CTDP1: variants seen among roughly 807,000 people sequenced by gnomAD.
CTDP1 encodes RNA polymerase II subunit A C-terminal domain phosphatase.
In CTDP1, 47 loss-of-function variants were observed where a neutral mutation model predicts 91.8. That is an observed-to-expected ratio of 0.51 (90% CI 0.41 to 0.65). The LOEUF is 0.65. Among genes scored for constraint, CTDP1 ranks in the 30% least tolerant of loss-of-function variants. The probability of loss-of-function intolerance (pLI) is 0.00; values close to 1 mark genes in which losing one functional copy is unlikely to be tolerated. For missense variants in CTDP1, 1,272 were observed against 1,373.7 expected, an observed-to-expected ratio of 0.93 and a Z score of 1.17; for synonymous variants, 656 against 598.5, an observed-to-expected ratio of 1.10 and a Z score of -1.40.
rs1230776269 is a variant in CTDP1, at chr18:79,679,923, A to ACCGC, written c.-14_-11dup. On this transcript the variant is annotated 5_prime_UTR_variant, in exon 1 of 13. Transcript: ENST00000613122. ...TGAGCGCAGCGCAGGCCCCGTACCG[A>ACCGC]CCGCCCGCCCGCCCTCTGTCCGCGA... 1.0e-5 allele frequency: 14 copies of ACCGC among 1,369,956 alleles called. No homozygotes were observed. The highest frequency in any genetic ancestry group is 4.7e-5 in the African/African-American group (3 of 64,368). The allele number at this position is 1,369,956 out of a possible 1,614,324, so 84.9% of individuals were successfully genotyped here. A position where few individuals can be genotyped will look rare whatever the true frequency, so the allele number is the denominator to read the frequency against.
At chr18:79,722,044 A>G (rs1037408947) in intron 10 of CTDP1, among the ~76,000 whole-genome samples, 4 of 152,160 alleles carry the variant, frequency 2.6e-5, no homozygotes, top group Non-Finnish European at 5.9e-5. Context: ...GGTTGGTCTC[A>G]AGCTCCTGTC....
chr18:79,722,189 C>T (rs12456692), intron 10 of CTDP1, among the ~76,000 whole-genome samples: 46,915 of 152,146 alleles, frequency 0.31, 8,688 homozygotes, highest in East Asian at 0.41. Flanking sequence ...TGAAAACAGA[C>T]TTGCAGATGG....
At chr18:79,747,365 G>T (rs767984856) in intron 12 of CTDP1, among the ~76,000 whole-genome samples, 58 of 152,328 alleles carry the variant, frequency 3.8e-4, no homozygotes, top group Non-Finnish European at 6.5e-4. Context: ...CAGAGCTGTG[G>T]CATCCCCGCT....
At chr18:79,723,359 C>T (rs1040229436) in intron 10 of CTDP1, among the ~76,000 whole-genome samples, 3 of 152,208 alleles carry the variant, frequency 2.0e-5, no homozygotes, top group Admixed American at 6.5e-5. Context: ...CCCCACCCTC[C>T]TGAGAGTGGT....
chr18:79,739,194 G>GT (rs907282783), intron 12 of CTDP1, among the ~76,000 whole-genome samples: 12 of 151,748 alleles, frequency 7.9e-5, no homozygotes, highest in South Asian at 2.1e-4. Context: ...TAACCTGATA[G>GT]TTTTTTTTTC....
In CTDP1 at chr18:79,714,784, G is replaced by A; in HGVS notation, c.1324G>A (p.Ala442Thr). 3 of 1,603,494 alleles carry A rather than the reference G, an allele frequency of 1.9e-6. No homozygotes were observed. The highest frequency in any genetic ancestry group is 2.6e-6 in the Non-Finnish European group (3 of 1,176,230). The change falls in exon 8 of 13, where the codon GCC becomes ACC. Residue 442 changes from alanine (A) to threonine (T), a missense_variant. Physicochemically the swap from Ala to Thr is moderately conservative, Grantham distance 58 (BLOSUM62 0). This residue lies in a region of CTDP1 where 881 missense variants were observed against 911.6 expected (regional missense o/e 0.97). Coordinates refer to ENST00000613122, the MANE Select transcript of CTDP1 (RefSeq NM_004715.5). ...CCGGGTGGCACCGGGACAGCGGCCT[G>A]CCCAGGGTGCCACGGGCACTGACCT... ...GGRVAPGQRP[A>T]QGATGTDLDF...
At chr18:79,707,066 G>T (rs1309762962) in intron 5 of CTDP1, among the ~76,000 whole-genome samples, 1 of 152,246 alleles carries the variant, frequency 6.6e-6, no homozygotes, top group Non-Finnish European at 1.5e-5. Context: ...TTCCTGAGGT[G>T]CATCGATGTT....
chr18:79,681,234 T>C (rs2085359948), intron 1 of CTDP1, among the ~76,000 whole-genome samples: 1 of 152,208 alleles, frequency 6.6e-6, no homozygotes, highest in African/African-American at 2.4e-5. Context: ...ACGTCCTGGC[T>C]CCGCTTCCTT....
At chr18:79,685,467 G>T (rs2085475568) in intron 1 of CTDP1, 1 of 152,166 alleles carries the variant, frequency 6.6e-6, no homozygotes, top group African/African-American at 2.4e-5. Flanking sequence ...GGTTGATGAC[G>T]TCTGACAGAC....
At chr18:79,741,753 G>C (rs1167336762) in intron 12 of CTDP1, among the ~76,000 whole-genome samples, 1 of 152,202 alleles carries the variant, frequency 6.6e-6, no homozygotes, top group South Asian at 2.1e-4. Context: ...CCTCTTGTCC[G>C]TTTGGGAGGG....
At chr18:79,689,896 G>A (rs548404377) in intron 1 of CTDP1, among the ~76,000 whole-genome samples, 2 of 152,288 alleles carry the variant, frequency 1.3e-5, no homozygotes, top group South Asian at 2.1e-4. Flanking sequence ...TGTGGCCGGC[G>A]GGATCCCCGT....
intron 1 of CTDP1, among the ~76,000 whole-genome samples, chr18:79,680,501 T>C (rs1248835212): frequency 2.0e-5 from 3 of 152,258 alleles, no homozygotes; most frequent in Non-Finnish European, 2.9e-5. Flanking sequence ...AGTTACTGTT[T>C]GGAAAAGCTA....
At chr18:79,751,246 G>A (rs1255359761) in intron 12 of CTDP1, among the ~76,000 whole-genome samples, 4 of 147,148 alleles carry the variant, frequency 2.7e-5, no homozygotes, top group African/African-American at 7.6e-5. Flanking sequence ...GGACAGGCCG[G>A]GGAGGGAGGG....
chr18:79,741,884 A>C (rs749535979), intron 12 of CTDP1, among the ~76,000 whole-genome samples: 6 of 152,212 alleles, frequency 3.9e-5, no homozygotes, highest in Admixed American at 2.0e-4. Flanking sequence ...GAGAGAGAGG[A>C]GCAGAAAAAC....
chr18:79,714,570 A>G lies in CTDP1; in HGVS notation c.1110A>G (p.Gly370=). Residue 370 remains glycine (G), a synonymous_variant, in exon 8 of 13, where the codon GGA becomes GGG. Transcript: ENST00000613122. ...RDPEGVTQAP[G]VEPSNGLEKP... ...CTGAGGGGGTAACGCAGGCCCCTGG[A>G]GTGGAGCCCAGCAATGGCCTGGAGA... is the stretch of plus-strand genomic sequence containing the variant. The G allele has an allele frequency of 6.2e-7, 1 of 1,613,048 alleles. No homozygotes were observed. Among genetic ancestry groups the G allele is most frequent in the Non-Finnish European group, 8.5e-7 (1 of 1,180,008 alleles).
intron 5 of CTDP1, among the ~76,000 whole-genome samples, chr18:79,706,558 T>G (rs905470695): frequency 1.1e-4 from 16 of 145,644 alleles, no homozygotes; most frequent in Admixed American, 2.7e-4. Flanking sequence ...TATTCTCTGG[T>G]TTTTTTTTTG....
intron 6 of CTDP1, among the ~76,000 whole-genome samples, chr18:79,712,523 C>G (rs1257133753): frequency 6.6e-6 from 1 of 152,158 alleles, no homozygotes; most frequent in African/African-American, 2.4e-5. Context: ...CTCAAGAGAC[C>G]CTCCTGCCAA....
chr18:79,745,371 G>C (rs368669040), intron 12 of CTDP1, among the ~76,000 whole-genome samples: 932 of 32,178 alleles, frequency 0.029, 25 homozygotes, highest in Non-Finnish European at 0.043. Flanking sequence ...CGCGTTCTGT[G>C]CCCGCGTCCC....
chr18:79,700,779 T>C (rs2085841555), intron 4 of CTDP1, among the ~76,000 whole-genome samples: 1 of 152,158 alleles, frequency 6.6e-6, no homozygotes, highest in African/African-American at 2.4e-5. Context: ...TCTAGGACTT[T>C]CATAGCTGGA....
Sources: allele counts gnomAD v4.1 joint callset (sites outside exome capture counted in the v4.1 genomes callset), GRCh38; gene constraint gnomAD v4.1.1; regional missense constraint gnomAD v4.1.1; transcripts MANE v1.5; gene names NCBI Gene and HGNC (gene_info 2026-07-23, HGNC 2026-07-21).